Variants in RIGI observed in about 807,000 individuals in gnomAD.
The protein encoded by RIGI is RNA sensor RIG-I.
chr9:32,460,967 A>C, the RIGI span, among the ~76,000 whole-genome samples: 1 of 151,752 alleles, frequency 6.6e-6, no homozygotes, highest in Non-Finnish European at 1.5e-5. Context: ...AACAGGATAA[A>C]CCCCTTCAAA....
chr9:32,509,871 A>T, the RIGI span, among the ~76,000 whole-genome samples: 8 of 151,970 alleles, frequency 5.3e-5, no homozygotes, highest in Non-Finnish European at 8.8e-5. Flanking sequence ...AACTAGAATA[A>T]CCAGTTTAGA....
chr9:32,480,357 G>A, the RIGI span: 1 of 1,576,708 alleles, frequency 6.3e-7, no homozygotes, highest in Non-Finnish European at 8.7e-7. Context: ...TTATATTTCT[G>A]TTGAAAGTAA....
chr9:32,479,214 T>C, the RIGI span, among the ~76,000 whole-genome samples: 1 of 152,256 alleles, frequency 6.6e-6, no homozygotes, highest in African/African-American at 2.4e-5. Context: ...ATGTGGAATT[T>C]ACAATAAAGA....
the RIGI span, among the ~76,000 whole-genome samples, chr9:32,494,154 T>C: frequency 6.6e-6 from 1 of 152,210 alleles, no homozygotes; most frequent in African/African-American, 2.4e-5. Context: ...TTATTATCTA[T>C]TGGGAAAAAG....
the RIGI span, among the ~76,000 whole-genome samples, chr9:32,471,363 C>G: frequency 6.6e-6 from 1 of 152,212 alleles, no homozygotes; most frequent in Admixed American, 6.5e-5. Context: ...CCATCATCAT[C>G]TACTAAACAA....
chr9:32,472,952 T>G, the RIGI span: 2 of 1,560,512 alleles, frequency 1.3e-6, no homozygotes, highest in Admixed American at 1.8e-5. Flanking sequence ...ATCCACTAAA[T>G]CTAATTCACT....
chr9:32,466,464 G>C, the RIGI span: 3 of 1,573,466 alleles, frequency 1.9e-6, no homozygotes, highest in Admixed American at 4.0e-5. Flanking sequence ...AAATATTTTA[G>C]TTGGTGTTTT....
At chr9:32,475,561 T>C in the RIGI span, among the ~76,000 whole-genome samples, 4 of 151,980 alleles carry the variant, frequency 2.6e-5, no homozygotes, top group South Asian at 8.3e-4. Context: ...GAAGAAAGGA[T>C]AGTCTTGTCA....
At chr9:32,492,683 T>C in the RIGI span, 1 of 888,470 alleles carries the variant, frequency 1.1e-6, no homozygotes, top group Non-Finnish European at 1.7e-6. Context: ...ATGACAATTT[T>C]TGCCCCATCC....
the RIGI span, chr9:32,492,688 C>G: frequency 1.3e-6 from 1 of 785,426 alleles, no homozygotes. Context: ...AATTTTTGCC[C>G]CATCCAACAC....
At chr9:32,507,474 G>A in the RIGI span, among the ~76,000 whole-genome samples, 5 of 151,848 alleles carry the variant, frequency 3.3e-5, no homozygotes, top group South Asian at 2.1e-4. Flanking sequence ...ATTTCTTGAC[G>A]TTTTCTAATA....
chr9:32,496,065 G>A, the RIGI span, among the ~76,000 whole-genome samples: 3 of 152,082 alleles, frequency 2.0e-5, no homozygotes, highest in Non-Finnish European at 4.4e-5. Context: ...ACCCTATTAT[G>A]TCCTTTGAGG....
At chr9:32,495,748 C>T in the RIGI span, among the ~76,000 whole-genome samples, 1 of 151,310 alleles carries the variant, frequency 6.6e-6, no homozygotes, top group Non-Finnish European at 1.5e-5. Flanking sequence ...CAACATCCAC[C>T]TCCTGGGTTC....
At chr9:32,457,151 G>GT in the RIGI span, 2 of 1,613,600 alleles carry the variant, frequency 1.2e-6, no homozygotes. Flanking sequence ...GGATCAAATG[G>GT]TATCTTCTCA....
the RIGI span, among the ~76,000 whole-genome samples, chr9:32,490,160 G>A: frequency 6.6e-6 from 1 of 152,124 alleles, no homozygotes; most frequent in African/African-American, 2.4e-5. Flanking sequence ...GATCACTTGA[G>A]GTCAGGAGTT....
the RIGI span, chr9:32,473,014 C>T: frequency 6.2e-7 from 1 of 1,610,048 alleles, no homozygotes; most frequent in Non-Finnish European, 8.5e-7. Flanking sequence ...GTCAATATGC[C>T]AGGTTTTAGA....
the RIGI span, among the ~76,000 whole-genome samples, chr9:32,476,706 C>T: frequency 2.7e-5 from 4 of 150,070 alleles, no homozygotes; most frequent in African/African-American, 9.8e-5. Flanking sequence ...GTGCAGAGTA[C>T]GCTGTCATGA....
At chr9:32,514,367 C>T in the RIGI span, among the ~76,000 whole-genome samples, 1 of 152,146 alleles carries the variant, frequency 6.6e-6, no homozygotes, top group South Asian at 2.1e-4. Context: ...AAATATGGCA[C>T]ATATACACCA....
chr9:32,523,546 C>A, the RIGI span, among the ~76,000 whole-genome samples: 2 of 152,254 alleles, frequency 1.3e-5, no homozygotes, highest in Middle Eastern at 6.8e-3. Flanking sequence ...CCTGTCCTCA[C>A]CCTTACCTCC....
Sources: gnomAD v4.1 joint callset for allele counts (sites outside exome capture counted in the v4.1 genomes callset) on GRCh38, gnomAD v4.1.1 for gene constraint, MANE v1.5 for transcripts, NCBI Gene and HGNC (gene_info 2026-07-23, HGNC 2026-07-21) for gene names.